RARB: variants seen among roughly 807,000 people sequenced by gnomAD.
RARB encodes the protein HBV-activated protein.
A neutral mutation model predicts 51.9 loss-of-function variants in RARB; 17 were observed. The observed-to-expected ratio is 0.33, with a 90% CI of 0.22 to 0.49. The LOEUF (loss-of-function observed/expected upper bound fraction) is 0.49, where lower values mean the gene tolerates loss of function less well. Among genes scored for constraint, RARB ranks in the 20% least tolerant of loss-of-function variants. The pLI, the probability that RARB is intolerant of heterozygous loss-of-function variation, is 0.99. For missense variants in RARB, 369 were observed against 550.8 expected (o/e 0.67, Z 3.30); for synonymous variants, 215 against 195.4 (o/e 1.10, Z -0.84).
chr3:24,891,629 A>C (rs1703379016), intron 2 of RARB, among the ~76,000 whole-genome samples: 1 of 152,190 alleles, frequency 6.6e-6, no homozygotes, highest in African/African-American at 2.4e-5. Flanking sequence ...GTGGCTAAAT[A>C]AAATATTAGC....
At chr3:25,152,740 CTGTAAT>C (rs1179957674) in intron 4 of RARB, among the ~76,000 whole-genome samples, 3 of 152,086 alleles carry the variant, frequency 2.0e-5, no homozygotes, top group African/African-American at 7.2e-5. Flanking sequence ...ATTTTGGAGT[CTGTAAT>C]TGTGAGTCTT....
chr3:25,041,054 TTA>T (rs2125294941), intron 2 of RARB, among the ~76,000 whole-genome samples: 1 of 152,356 alleles, frequency 6.6e-6, no homozygotes, highest in East Asian at 1.9e-4. Context: ...TATGGAATGA[TTA>T]AAATTTTATT....
chr3:25,468,811 G>A (rs1359604967), intron 2 of RARB, among the ~76,000 whole-genome samples: 3 of 152,218 alleles, frequency 2.0e-5, no homozygotes, highest in Admixed American at 1.3e-4. Context: ...ACCCACACAT[G>A]GGCATGTTCC....
chr3:24,870,638 T>C (rs1559377631), intron 2 of RARB, among the ~76,000 whole-genome samples: 1 of 152,156 alleles, frequency 6.6e-6, no homozygotes, highest in African/African-American at 2.4e-5. Flanking sequence ...GGGGATCATA[T>C]TATCTGTGAT....
chr3:25,436,989 GA>G (rs1356732108), intron 1 of RARB, among the ~76,000 whole-genome samples: 1 of 152,132 alleles, frequency 6.6e-6, no homozygotes, highest in East Asian at 1.9e-4. Flanking sequence ...AGGATCTGTA[GA>G]AGGATTAGAG....
At chr3:25,184,527 G>A (rs892707874) in intron 5 of RARB, among the ~76,000 whole-genome samples, 3 of 152,070 alleles carry the variant, frequency 2.0e-5, no homozygotes, top group African/African-American at 7.2e-5. Context: ...TAGGGGAGCG[G>A]GGAGATGCAG....
chr3:25,181,610 T>C (rs370281343), intron 5 of RARB, among the ~76,000 whole-genome samples: 3 of 152,206 alleles, frequency 2.0e-5, no homozygotes, highest in African/African-American at 4.8e-5. Flanking sequence ...GACTTTCCGA[T>C]GTCCCACCAG....
At chr3:25,256,756 A>T (rs2125404710) in intron 5 of RARB, among the ~76,000 whole-genome samples, 1 of 152,260 alleles carries the variant, frequency 6.6e-6, no homozygotes, top group South Asian at 2.1e-4. Context: ...TTGGCTACAT[A>T]TAGAGTTCTT....
chr3:25,220,746 A>T (rs563475382), intron 5 of RARB, among the ~76,000 whole-genome samples: 11 of 152,280 alleles, frequency 7.2e-5, no homozygotes, highest in African/African-American at 2.6e-4. Context: ...AATCAATTAA[A>T]TCTCTTTCCT....
chr3:25,143,648 A>T (rs1416449431), intron 4 of RARB, among the ~76,000 whole-genome samples: 1 of 152,146 alleles, frequency 6.6e-6, no homozygotes, highest in African/African-American at 2.4e-5. Flanking sequence ...CATAACACTG[A>T]ACCTGAGCAA....
At chr3:25,397,579 G>A (rs1474071406) in intron 5 of RARB, among the ~76,000 whole-genome samples, 6 of 152,084 alleles carry the variant, frequency 3.9e-5, no homozygotes, top group Admixed American at 6.6e-5. Flanking sequence ...GAAACCTCTC[G>A]ATAATAATTT....
intron 2 of RARB, among the ~76,000 whole-genome samples, chr3:24,888,104 A>C (rs954438920): frequency 4.6e-5 from 7 of 152,178 alleles, no homozygotes; most frequent in African/African-American, 1.2e-4. Flanking sequence ...GGATAAAAAA[A>C]CCTACACTTG....
chr3:25,493,935 G>T (rs1187444572), intron 2 of RARB, among the ~76,000 whole-genome samples: 3 of 152,120 alleles, frequency 2.0e-5, no homozygotes, highest in Non-Finnish European at 4.4e-5. Context: ...ACAAGCAAAT[G>T]TATGATTAAA....
At chr3:25,280,139 C>G (rs1456475538) in intron 5 of RARB, among the ~76,000 whole-genome samples, 3 of 152,060 alleles carry the variant, frequency 2.0e-5, no homozygotes, top group African/African-American at 7.2e-5. Context: ...TAATGTTGTG[C>G]TTAGGTTTGA....
intron 1 of RARB, among the ~76,000 whole-genome samples, chr3:25,446,669 G>A (rs934702108): frequency 1.3e-5 from 2 of 151,848 alleles, no homozygotes; most frequent in African/African-American, 4.8e-5. Context: ...CGGGCGTGGT[G>A]GCAGGCGCCT....
At chr3:25,338,278 A>T (rs1277001054) in intron 5 of RARB, among the ~76,000 whole-genome samples, 2 of 152,148 alleles carry the variant, frequency 1.3e-5, no homozygotes, top group Non-Finnish European at 2.9e-5. Context: ...AGAGCAAGAG[A>T]TAGTATCTAG....
At chr3:25,115,274 A>G (rs889237459) in intron 3 of RARB, among the ~76,000 whole-genome samples, 1 of 152,214 alleles carries the variant, frequency 6.6e-6, no homozygotes, top group African/African-American at 2.4e-5. Flanking sequence ...TAACATAAAT[A>G]TTTAAAAAGC....
At chr3:25,018,286 G>T (rs921732131) in intron 2 of RARB, among the ~76,000 whole-genome samples, 9 of 152,116 alleles carry the variant, frequency 5.9e-5, no homozygotes, top group Non-Finnish European at 1.2e-4. Context: ...GCCATGATAG[G>T]CAGGTAGATG....
chr3:25,506,749 G>T (rs1026838374), intron 3 of RARB, among the ~76,000 whole-genome samples: 1 of 152,276 alleles, frequency 6.6e-6, no homozygotes, highest in Non-Finnish European at 1.5e-5. Flanking sequence ...AGCAGATGAA[G>T]GGCTAGGTTT....
Sources: gnomAD v4.1 joint callset for allele counts (sites outside exome capture counted in the v4.1 genomes callset) on GRCh38, gnomAD v4.1.1 for gene constraint, MANE v1.5 for transcripts, NCBI Gene and HGNC (gene_info 2026-07-23, HGNC 2026-07-21) for gene names.